ABCB4: variants seen among roughly 807,000 people sequenced by gnomAD.
ABCB4 encodes the protein phosphatidylcholine translocator ABCB4.
In ABCB4, 76 loss-of-function variants were observed where a neutral mutation model predicts 145.7. That is an observed-to-expected ratio of 0.52 (90% CI 0.43 to 0.63). The LOEUF (loss-of-function observed/expected upper bound fraction) is 0.63, where lower values mean the gene tolerates loss of function less well. Ranked by LOEUF, ABCB4 falls within the 30% of genes least tolerant of loss-of-function variation. ABCB4 has a pLI of 0.00. For missense variants in ABCB4, 1,234 were observed against 1,553.1 expected (o/e 0.79, Z 3.45); for synonymous variants, 517 against 566.8 (o/e 0.91, Z 1.25).
the ABCB4 span, chr7:87,375,968 TC>T: frequency 2.0e-6 from 3 of 1,465,692 alleles, no homozygotes; most frequent in East Asian, 4.9e-5. Flanking sequence ...TTAACTACCT[TC>T]TCTTTTTTTT....
chr7:87,398,431 A>G (rs1432702584), downstream of ABCB4: 1 of 1,434,104 alleles, frequency 7.0e-7, no homozygotes, highest in Non-Finnish European at 9.7e-7. Flanking sequence ...CATTTCATGT[A>G]TGAATATCCA....
At chr7:87,382,369 C>T in the ABCB4 span, 2 of 1,596,464 alleles carry the variant, frequency 1.3e-6, no homozygotes, top group African/African-American at 1.3e-5. Flanking sequence ...GGTGTATTCT[C>T]CTTAGGTGAT....
intron 21 of ABCB4, among the ~76,000 whole-genome samples, chr7:87,415,192 T>G (rs559209873): frequency 6.6e-6 from 1 of 152,206 alleles, no homozygotes; most frequent in African/African-American, 2.4e-5. Context: ...GTCAAGATGG[T>G]TATGAGGCAG....
rs144790968 is a variant in ABCB4, at chr7:87,402,265, C to T, written c.3671G>A (p.Arg1224His). ...QEALDKAREGRTCIVIAHRLS... is the reference protein window; with the variant it reads ...QEALDKAREGHTCIVIAHRLS... ...GCGGTGAGCAATCACAATGCAGGTG[C>T]GGCCTTCTCTGGCTTTGTCCAGGGC... The change falls in exon 28 of 28, where the codon CGC (arginine) becomes CAC (histidine). Residue 1224 changes from arginine to histidine, a missense_variant. By Grantham distance (29) the Arg-to-His change is conservative (BLOSUM62 0). This residue lies in a region of ABCB4 where 58 missense variants were observed against 75.9 expected (regional missense o/e 0.76). Coordinates refer to ENST00000649586, the MANE Select transcript of ABCB4 (RefSeq NM_000443.4). 2.4e-5 allele frequency: 39 copies of T among 1,613,908 alleles called. No homozygotes were observed. The African/African-American group carries it at 3.2e-4, about 13-fold the overall frequency.
rs1056333288 is a variant in ABCB4 at position 87,444,916 on chromosome 7, A to G, written c.1065T>C (p.Asp355=). Residue 355 remains aspartate, a synonymous_variant, in exon 10 of 28, where the codon GAT becomes GAC. Coordinates refer to ENST00000649586, the MANE Select transcript of ABCB4 (RefSeq NM_000443.4). ...FSVGQAAPCI[D]AFANARGAAY... ...CTGCTCCTCTTGCATTGGCAAAAGC[A>G]TCAATACATGGGGCAGCCTGGCCAA... 6.2e-7 allele frequency: 1 copy of G among 1,608,972 alleles called. No individual in the cohort carries two copies.
downstream of ABCB4, chr7:87,398,435 A>C: frequency 6.8e-7 from 1 of 1,463,070 alleles, no homozygotes; most frequent in Non-Finnish European, 9.5e-7. Flanking sequence ...TCATGTATGA[A>C]TATCCAGATG....
intron 12 of ABCB4, among the ~76,000 whole-genome samples, chr7:87,442,968 C>T (rs950964376): frequency 6.6e-6 from 1 of 152,114 alleles, no homozygotes; most frequent in Non-Finnish European, 1.5e-5. Flanking sequence ...CCCTAATTGT[C>T]ATCAATTGTT....
intron 14 of ABCB4, among the ~76,000 whole-genome samples, chr7:87,438,328 T>A (rs1347863319): frequency 1.3e-5 from 2 of 152,218 alleles, no homozygotes; most frequent in Non-Finnish European, 2.9e-5. Context: ...ACCAGTCTCA[T>A]ATGCATTATA....
intron 3 of ABCB4, among the ~76,000 whole-genome samples, chr7:87,469,061 G>C (rs1360771144): frequency 6.6e-6 from 1 of 152,128 alleles, no homozygotes; most frequent in Non-Finnish European, 1.5e-5. Flanking sequence ...ATGCAAGGCT[G>C]GTTCAACATA....
chr7:87,445,828 G>A (rs1811308519), intron 9 of ABCB4, among the ~76,000 whole-genome samples: 1 of 152,186 alleles, frequency 6.6e-6, no homozygotes, highest in African/African-American at 2.4e-5. Context: ...TAAGGTTAAT[G>A]CAATAGAGTC....
intron 11 of ABCB4, 72 bp from the exon 12 acceptor site, chr7:87,443,516 T>C: frequency 1.3e-6 from 2 of 1,598,262 alleles, no homozygotes; most frequent in Non-Finnish European, 1.7e-6. Flanking sequence ...CGATTCAGTT[T>C]GAAATTTGAA....
At position 87,426,944 on chromosome 7, in the gene ABCB4, A is replaced by AGTGTGTGTGT. The variant is rs10647775; in HGVS notation, c.1894-34_1894-25dup. On this transcript the variant is annotated intron_variant, in intron 15 of 27. Transcript: ENST00000649586. ...GTCTGAAAGAATATCAAGACATTAA[A>AGTGTGTGTGT]GTGTGTGTGTGTGTGTGTGTGTGTG... 15,661 of 1,030,930 alleles carry AGTGTGTGTGT rather than the reference A, an allele frequency of 0.015. 305 individuals carry two copies. The highest frequency in any genetic ancestry group is 0.096 in the African/African-American group (5,909 of 61,810). The allele number at this position is 1,030,930 out of a possible 1,614,324, so 63.9% of individuals were successfully genotyped here. A position where few individuals can be genotyped will look rare whatever the true frequency, so the allele number is the denominator to read the frequency against.
At chr7:87,431,998 T>C (rs1810273608) in intron 14 of ABCB4, among the ~76,000 whole-genome samples, 1 of 152,204 alleles carries the variant, frequency 6.6e-6, no homozygotes, top group African/African-American at 2.4e-5. Flanking sequence ...TTTAAGAGCC[T>C]GATCTTAACT....
At chr7:87,404,790 G>A (rs779828479) in intron 26 of ABCB4, among the ~76,000 whole-genome samples, 1 of 152,160 alleles carries the variant, frequency 6.6e-6, no homozygotes, top group Non-Finnish European at 1.5e-5. Flanking sequence ...TTTGCCATTG[G>A]GAAATGCATA....
chr7:87,375,381 C>A, the ABCB4 span: 1 of 405,320 alleles, frequency 2.5e-6, no homozygotes. Context: ...TATATATCAG[C>A]GAAACTAAAT....
At chr7:87,389,960 TTTGA>T in the ABCB4 span, among the ~76,000 whole-genome samples, 1 of 152,158 alleles carries the variant, frequency 6.6e-6, no homozygotes, top group South Asian at 2.1e-4. Context: ...ACACATTGCA[TTTGA>T]TTGATATACC....
intron 15 of ABCB4, among the ~76,000 whole-genome samples, chr7:87,427,517 T>A (rs912290953): frequency 2.6e-5 from 4 of 152,204 alleles, no homozygotes; most frequent in African/African-American, 7.2e-5. Context: ...TAAGGACTTC[T>A]AGTTCACTGC....
chr7:87,394,657 C>T, the ABCB4 span, among the ~76,000 whole-genome samples: 1 of 151,772 alleles, frequency 6.6e-6, no homozygotes, highest in Non-Finnish European at 1.5e-5. Context: ...ATTAAAAATG[C>T]AGCTTTTTGG....
chr7:87,455,857 A>G (rs1347905516), intron 4 of ABCB4, among the ~76,000 whole-genome samples: 1 of 152,156 alleles, frequency 6.6e-6, no homozygotes, highest in Non-Finnish European at 1.5e-5. Flanking sequence ...TTCCAAAGAA[A>G]GATAAGGTTG....
Sources: gnomAD v4.1 joint callset for allele counts (sites outside exome capture counted in the v4.1 genomes callset) on GRCh38, gnomAD v4.1.1 for gene constraint, gnomAD v4.1.1 regional missense constraint, MANE v1.5 for transcripts, NCBI Gene and HGNC (gene_info 2026-07-23, HGNC 2026-07-21) for gene names.